The following HOXB6 variants were observed in gnomAD, a reference collection of about 807,000 sequenced individuals.
HOXB6 encodes homeobox B6, also known as homeobox protein Hox-B6.
In HOXB6, 18 loss-of-function variants were observed where a neutral mutation model predicts 24.2. That is an observed-to-expected ratio of 0.74 (90% CI 0.51 to 1.10). The LOEUF (loss-of-function observed/expected upper bound fraction) is 1.10. Ranked by LOEUF, HOXB6 falls within the 50% of genes least tolerant of loss-of-function variation. The pLI is 0.00. For missense variants in HOXB6, 332 were observed against 308.3 expected, an observed-to-expected ratio of 1.08 and a Z score of -0.58; for synonymous variants, 159 against 139.1, an observed-to-expected ratio of 1.14 and a Z score of -1.01.
chr17:48,602,316 A>G, intron 2 of HOXB6: 1 of 441,394 alleles, frequency 2.3e-6, no homozygotes, highest in Non-Finnish European at 4.5e-6. Flanking sequence ...AGAAAACCAA[A>G]TAAACCTTGA....
intron 2 of HOXB6, 38 bp from the exon 3 acceptor site, chr17:48,598,266 G>C: frequency 2.7e-6 from 3 of 1,120,704 alleles, no homozygotes; most frequent in East Asian, 5.2e-5. Flanking sequence ...TTTAGCTGAG[G>C]GGGGATGGCG....
In HOXB6 at chr17:48,603,352, C is replaced by T. The variant is rs370275964; in HGVS notation, c.-79+1128G>A. Among the ~76,000 whole-genome samples the T allele has an allele frequency of 3.2e-4, 48 of 152,238 alleles. No individual in the cohort carries two copies. In the South Asian group the frequency reaches 8.1e-3, roughly 26 times the overall value. ...TCTCTGTCACCTGCCCAATGTTCTC[C>T]GCCCTCCCCACCCCCTAGAAGGCCT... is the stretch of plus-strand genomic sequence containing the variant. On this transcript the variant is annotated intron_variant, in intron 2 of 3. Coordinates refer to ENST00000225648, the MANE Select transcript of HOXB6 (RefSeq NM_018952.5).
Position 48,596,569 on chromosome 17 carries a change from C to T in HOXB6, c.519G>A (p.Arg173=), listed in dbSNP as rs2070301132. 1.9e-6 allele frequency: 3 copies of T among 1,614,116 alleles called. No individual in the cohort carries two copies. In the East Asian group the frequency reaches 6.7e-5, roughly 36 times the overall value. Residue 173 remains arginine, a synonymous_variant, in exon 4 of 4, where the codon CGG becomes CGA. Coordinates refer to ENST00000225648, the MANE Select transcript of HOXB6 (RefSeq NM_018952.5). The surrounding 1 kb of genome is among the most constrained non-coding windows in gnomAD (Gnocchi z 4.8). ...KEFHYNRYLT[R]RRRIEIAHAL... ...CGTGCGCGATCTCGATGCGCCGCCG[C>T]CGCGTCAGGTAGCGATTGTAGTGAA...
Position 48,597,970 on chromosome 17 carries a change from G to T in HOXB6, c.181C>A (p.Pro61Thr). 1.9e-6 allele frequency: 3 copies of T among 1,583,170 alleles called. No individual in the cohort carries two copies. Among genetic ancestry groups the T allele is most frequent in the Non-Finnish European group, 2.6e-6 (3 of 1,164,794 alleles). ...KGFATSSYYP[P>T]AGGGYGRAAP... Reference sequence around the variant, plus strand: ...GCTCGGCCGTAGCCACCGCCCGCCGGCGGGTAATAGGAGGAAGTGGCAAAG... The same window carrying T: ...GCTCGGCCGTAGCCACCGCCCGCCGTCGGGTAATAGGAGGAAGTGGCAAAG... Residue 61 changes from proline to threonine, a missense_variant, in exon 3 of 4, where the codon CCG becomes ACG. Transcript: ENST00000225648.
At chr17:48,597,122 A>C in intron 3 of HOXB6, 1 of 1,056,928 alleles carries the variant, frequency 9.5e-7, no homozygotes, top group Non-Finnish European at 1.1e-6. Flanking sequence ...GTTGGGACTT[A>C]AGGCCAACAA....
chr17:48,600,949 G>A (rs112705158), intron 2 of HOXB6, among the ~76,000 whole-genome samples: 2 of 151,830 alleles, frequency 1.3e-5, no homozygotes, highest in East Asian at 1.9e-4. Flanking sequence ...TGTTCAGTTC[G>A]GGAGTAAAAT....
chr17:48,604,896 C>G lies in HOXB6; in HGVS notation c.-249G>C, dbSNP rs1413626769. 6.6e-6 allele frequency: 1 copy of G among 151,384 alleles called. No individual in the cohort carries two copies. The highest frequency in any genetic ancestry group is 1.5e-5 in the Non-Finnish European group (1 of 67,814). 9.4% of individuals were successfully genotyped at this position (151,384 alleles called of 1,614,324 possible). A position where few individuals can be genotyped will look rare whatever the true frequency, so the allele number is the denominator to read the frequency against. On this transcript the variant is annotated 5_prime_UTR_variant, in exon 1 of 4. Transcript: ENST00000225648. ...TCGTCCTCTCTCTCTTTTGCTCTAT[C>G]GAGCTGATACTGAAGTACAAAAATA...
Position 48,596,975 on chromosome 17 carries a change from T to A in HOXB6, c.416-303A>T, listed in dbSNP as rs991324149. ...AGTTGCATCTTGTCTTTCCCTCCCT[T>A]TCCATCCATCTTGTTCCCACCCCCC... On this transcript the variant is annotated intron_variant, in intron 3 of 3. Transcript: ENST00000225648. The surrounding 1 kb of genome is among the most constrained non-coding windows in gnomAD (Gnocchi z 4.8). The A allele has an allele frequency of 7.8e-7, 1 of 1,284,538 alleles. No individual in the cohort carries two copies. Among genetic ancestry groups the A allele is most frequent in the South Asian group, 1.6e-5 (1 of 63,408 alleles). 79.6% of individuals were successfully genotyped at this position (1,284,538 alleles called of 1,614,324 possible). A position where few individuals can be genotyped will look rare whatever the true frequency, so the allele number is the denominator to read the frequency against.
Position 48,598,000 on chromosome 17 carries a change from TGTCCTGGCCCGGCCCTG to T in HOXB6, c.134_150del (p.Pro45GlnfsTer265), listed in dbSNP as rs1384836457. On this transcript the variant is annotated frameshift_variant, in exon 3 of 4. Coordinates refer to ENST00000225648, the MANE Select transcript of HOXB6 (RefSeq NM_018952.5). LOFTEE classifies it high-confidence loss of function. ...TAATAGGAGGAAGTGGCAAAGCCCTTGTCCTGGCCCGGCCCTGGCCCGTAGGGCGCGGGGTAATGTCT... is the reference window on the plus strand; with the variant it reads ...TAATAGGAGGAAGTGGCAAAGCCCTTGCCCGTAGGGCGCGGGGTAATGTCT... 5.0e-6 allele frequency: 8 copies of T among 1,594,336 alleles called. No individual in the cohort carries two copies. Among genetic ancestry groups the T allele is most frequent in the Non-Finnish European group, 6.8e-6 (8 of 1,170,754 alleles).
chr17:48,598,002 T>C lies in HOXB6; in HGVS notation c.149A>G (p.Asp50Gly). The C allele has an allele frequency of 6.3e-7, 1 of 1,594,732 alleles. No homozygotes were observed. The highest frequency in any genetic ancestry group is 1.1e-5 in the South Asian group (1 of 88,456). ...ATAGGAGGAAGTGGCAAAGCCCTTGTCCTGGCCCGGCCCTGGCCCGTAGGG... is the reference window on the plus strand; with the variant it reads ...ATAGGAGGAAGTGGCAAAGCCCTTGCCCTGGCCCGGCCCTGGCCCGTAGGG... ...PAPYGPGPGQDKGFATSSYYP... is the reference protein window; with the variant it reads ...PAPYGPGPGQGKGFATSSYYP... The change falls in exon 3 of 4, where the codon GAC (aspartate) becomes GGC (glycine). Residue 50 changes from aspartate (D) to glycine (G), a missense_variant. Transcript: ENST00000225648.
intron 2 of HOXB6, among the ~76,000 whole-genome samples, chr17:48,600,140 A>G (rs1320384313): frequency 6.6e-6 from 1 of 152,200 alleles, no homozygotes; most frequent in Non-Finnish European, 1.5e-5. Context: ...AATATTCCAT[A>G]TCTAGGTATG....
At chr17:48,599,959 G>A (rs2070418715) in intron 2 of HOXB6, among the ~76,000 whole-genome samples, 1 of 152,192 alleles carries the variant, frequency 6.6e-6, no homozygotes, top group African/African-American at 2.4e-5. Context: ...TTATTTGGTT[G>A]CAACGTGGTC....
chr17:48,602,472 T>C (rs79172885), intron 2 of HOXB6: 17,487 of 327,426 alleles, frequency 0.053, 617 homozygotes, highest in Non-Finnish European at 0.065. Context: ...GAATTAGACC[T>C]TTTTATATAT....
chr17:48,601,869 C>G (rs1419929039), intron 2 of HOXB6: 1 of 265,910 alleles, frequency 3.8e-6, no homozygotes, highest in African/African-American at 2.2e-5. Flanking sequence ...CTTGAAAGCC[C>G]AAGCTAATCA....
Position 48,596,960 on chromosome 17 carries a change from T to G in HOXB6, c.416-288A>C. The stretch of plus-strand genomic sequence containing the variant: ...GGTGTGTCTCTTCCTAGTTGCATCT[T>G]GTCTTTCCCTCCCTTTCCATCCATC... On this transcript the variant is annotated intron_variant, in intron 3 of 3. Coordinates refer to ENST00000225648, the MANE Select transcript of HOXB6 (RefSeq NM_018952.5). The surrounding 1 kb of genome is among the most constrained non-coding windows in gnomAD (Gnocchi z 4.8). 1.5e-6 allele frequency: 2 copies of G among 1,322,470 alleles called. No homozygotes were observed. Among genetic ancestry groups the G allele is most frequent in the Non-Finnish European group, 1.9e-6 (2 of 1,026,606 alleles). The allele number at this position is 1,322,470 out of a possible 1,614,324, so 81.9% of individuals were successfully genotyped here. A position where few individuals can be genotyped will look rare whatever the true frequency, so the allele number is the denominator to read the frequency against.
intron 2 of HOXB6, chr17:48,604,249 T>G (rs1240515747): frequency 1.3e-5 from 2 of 152,094 alleles, no homozygotes; most frequent in Non-Finnish European, 2.9e-5. Context: ...GCTGGTCTCC[T>G]GGCCCTCTTT....
chr17:48,597,699 G>T, intron 3 of HOXB6, 37 bp downstream of exon 3: 1 of 1,604,132 alleles, frequency 6.2e-7, no homozygotes, highest in East Asian at 2.3e-5. Context: ...GGGCGCCCAG[G>T]GGAGCCGGGG....
At chr17:48,598,680 TGTCTCCGAATC>T (rs1244456980) in intron 2 of HOXB6, among the ~76,000 whole-genome samples, 9 of 152,244 alleles carry the variant, frequency 5.9e-5, no homozygotes, top group African/African-American at 2.2e-4. Context: ...GTTGGGTAAA[TGTCTCCGAATC>T]GCCTTGAGAG....
chr17:48,597,143 C>G (rs1207965694), intron 3 of HOXB6: 1 of 1,009,128 alleles, frequency 9.9e-7, no homozygotes, highest in East Asian at 8.1e-5. Flanking sequence ...ATAATCCAAC[C>G]TGAGACCCCG....
Sources: gnomAD v4.1 joint callset for allele counts (sites outside exome capture counted in the v4.1 genomes callset) on GRCh38, gnomAD v4.1.1 for gene constraint, Gnocchi (gnomAD v3.1) non-coding constraint, MANE v1.5 for transcripts, NCBI Gene and HGNC (gene_info 2026-07-23, HGNC 2026-07-21) for gene names.